Variants in AGBL3 observed in about 807,000 individuals in gnomAD.
AGBL3 encodes the protein cytosolic carboxypeptidase 3.
A neutral mutation model predicts 94.5 loss-of-function variants in AGBL3; 68 were observed. The observed-to-expected ratio is 0.72, with a 90% confidence interval of 0.59 to 0.88. The LOEUF (loss-of-function observed/expected upper bound fraction) is 0.88. Among genes scored for constraint, AGBL3 ranks in the 40% least tolerant of loss-of-function variants. The pLI, the probability that AGBL3 is intolerant of heterozygous loss-of-function variation, is 0.00. For synonymous variants in AGBL3, 354 were observed against 370.7 expected (o/e 0.95, Z 0.52); for missense variants, 934 against 1,103.8 (o/e 0.85, Z 2.18).
Position 135,087,174 on chromosome 7 carries a change from T to C in AGBL3, c.2110+5384T>C, listed in dbSNP as rs562403630. Among the ~76,000 whole-genome samples, 9 of 152,096 alleles carry C rather than the reference T, an allele frequency of 5.9e-5. No homozygotes were observed. In the East Asian group the frequency reaches 1.5e-3, roughly 26 times the overall value. Reference sequence around the variant, plus strand: ...GTCTCCAATGATCCTTGTATTTCCGTGTTATCAGTTGTAACGTCTTTTTCA... The same window carrying C: ...GTCTCCAATGATCCTTGTATTTCCGCGTTATCAGTTGTAACGTCTTTTTCA... On this transcript the variant is annotated intron_variant, in intron 15 of 16. Coordinates refer to ENST00000436302, the MANE Select transcript of AGBL3 (RefSeq NM_178563.4).
intron 4 of AGBL3, among the ~76,000 whole-genome samples, chr7:134,999,556 G>A (rs1231191504): frequency 2.0e-5 from 3 of 152,144 alleles, no homozygotes; most frequent in African/African-American, 4.8e-5. Context: ...TCCACTTACT[G>A]GGTCCAGTCA....
chr7:135,048,137 C>T (rs1319748014), intron 11 of AGBL3, among the ~76,000 whole-genome samples: 3 of 151,744 alleles, frequency 2.0e-5, no homozygotes, highest in Non-Finnish European at 4.4e-5. Context: ...ATCCTTGGCA[C>T]CCGTATTGAA....
intron 4 of AGBL3, among the ~76,000 whole-genome samples, chr7:134,995,946 T>C (rs1810959558): frequency 6.6e-6 from 1 of 152,236 alleles, no homozygotes; most frequent in Non-Finnish European, 1.5e-5. Context: ...ACATGTGTCC[T>C]TGATGGCTTT....
At position 135,065,464 on chromosome 7, in the gene AGBL3, C is replaced by T. The variant is rs541911852; in HGVS notation, c.1908+6229C>T. Among the ~76,000 whole-genome samples the T allele has an allele frequency of 1.8e-4, 28 of 152,326 alleles. 1 individual carries two copies. The South Asian group carries it at 5.0e-3, about 27-fold the overall frequency. ...CTACAATAACCAAAAGTATATGATA[C>T]TGGCATATGAACAGACACACAGCAC... On this transcript the variant is annotated intron_variant, in intron 12 of 16. Coordinates refer to ENST00000436302, the MANE Select transcript of AGBL3 (RefSeq NM_178563.4).
chr7:135,112,932 ATGC>A (rs1825844399), intron 15 of AGBL3, among the ~76,000 whole-genome samples: 2 of 152,216 alleles, frequency 1.3e-5, no homozygotes, highest in African/African-American at 4.8e-5. Flanking sequence ...ACTCGCCACC[ATGC>A]CGACTTAATT....
At chr7:135,035,880 A>G (rs1290529124) in intron 7 of AGBL3, among the ~76,000 whole-genome samples, 1 of 152,100 alleles carries the variant, frequency 6.6e-6, no homozygotes, top group East Asian at 1.9e-4. Flanking sequence ...CTTATAATCT[A>G]GTTAGTTTTC....
At chr7:135,060,747 G>T (rs1818762651) in intron 12 of AGBL3, among the ~76,000 whole-genome samples, 1 of 152,060 alleles carries the variant, frequency 6.6e-6, no homozygotes, top group Admixed American at 6.6e-5. Context: ...TTTAAAGGCT[G>T]AATAGTATTT....
intron 15 of AGBL3, among the ~76,000 whole-genome samples, chr7:135,115,163 C>A (rs1169382891): frequency 3.9e-5 from 6 of 152,156 alleles, no homozygotes; most frequent in Non-Finnish European, 8.8e-5. Context: ...CTCAAGAATT[C>A]TCTACTCCCC....
At chr7:135,124,650 A>G (rs1184482089) in intron 16 of AGBL3, among the ~76,000 whole-genome samples, 1 of 152,250 alleles carries the variant, frequency 6.6e-6, no homozygotes, top group East Asian at 1.9e-4. Flanking sequence ...AATTGGAAGT[A>G]AAACAGTCCT....
intron 3 of AGBL3, among the ~76,000 whole-genome samples, chr7:134,991,208 G>GGT (rs1554488033): frequency 1.8e-5 from 2 of 113,824 alleles, no homozygotes; most frequent in African/African-American, 6.6e-5. Flanking sequence ...GGGTGGGGGG[G>GGT]GGGTTGGTTA....
intron 7 of AGBL3, 129 bp from the exon 8 acceptor site, chr7:135,037,289 T>C: frequency 1.5e-6 from 1 of 677,352 alleles, no homozygotes; most frequent in South Asian, 3.4e-5. Context: ...TAATATGCAA[T>C]ATAGATAAGA....
At chr7:134,991,573 A>G (rs1423030394) in intron 3 of AGBL3, among the ~76,000 whole-genome samples, 1 of 152,158 alleles carries the variant, frequency 6.6e-6, no homozygotes, top group East Asian at 1.9e-4. Flanking sequence ...GCCATATCAT[A>G]TCACCTAACC....
At chr7:135,081,813 C>A (rs757712185) in intron 15 of AGBL3, 23 bp downstream of exon 15, 2 of 1,443,708 alleles carry the variant, frequency 1.4e-6, no homozygotes, top group African/African-American at 2.8e-5. Context: ...GGAACACAGA[C>A]AGTAATGAGT....
At chr7:135,116,475 A>G (rs954293081) in intron 16 of AGBL3, among the ~76,000 whole-genome samples, 5 of 152,216 alleles carry the variant, frequency 3.3e-5, no homozygotes, top group Admixed American at 6.5e-5. Flanking sequence ...GTGCAGTAGT[A>G]AAAACCCTGA....
chr7:135,130,076 G>A (rs559022810), intron 16 of AGBL3, among the ~76,000 whole-genome samples: 3 of 152,130 alleles, frequency 2.0e-5, no homozygotes, highest in East Asian at 1.9e-4. Flanking sequence ...AAGACATTCT[G>A]TTGGAGTTCC....
At position 134,995,198 on chromosome 7, in the gene AGBL3, A is replaced by G. The variant is rs565707970; in HGVS notation, c.310+1520A>G. ...ACTGCTCCTACTGTGACTTCTGCCT[A>G]ATTTCTCTCCAGTAACAGTGACGAG... On this transcript the variant is annotated intron_variant, in intron 4 of 16. Coordinates refer to ENST00000436302, the MANE Select transcript of AGBL3 (RefSeq NM_178563.4). 4 of 152,260 alleles carry G rather than the reference A, an allele frequency of 2.6e-5. No homozygotes were observed. In the East Asian group the frequency reaches 7.7e-4, roughly 29 times the overall value. 9.4% of individuals were successfully genotyped at this position (152,260 alleles called of 1,614,324 possible).
intron 12 of AGBL3, among the ~76,000 whole-genome samples, chr7:135,062,455 G>T (rs1818925791): frequency 6.6e-6 from 1 of 152,086 alleles, no homozygotes; most frequent in Non-Finnish European, 1.5e-5. Flanking sequence ...TAGAGGAAAA[G>T]CTTTCAAGTT....
intron 12 of AGBL3, among the ~76,000 whole-genome samples, chr7:135,061,873 T>C (rs1057437276): frequency 1.1e-4 from 17 of 152,132 alleles, no homozygotes; most frequent in African/African-American, 3.6e-4. Context: ...GGCTCCTTTG[T>C]GGTTCCATAT....
chr7:135,087,554 A>G (rs1054128691), intron 15 of AGBL3, among the ~76,000 whole-genome samples: 19 of 151,964 alleles, frequency 1.3e-4, no homozygotes, highest in African/African-American at 4.6e-4. Context: ...GTTTCAATAC[A>G]TTTTTTAATT....
Sources: allele counts gnomAD v4.1 joint callset (sites outside exome capture counted in the v4.1 genomes callset), GRCh38; gene constraint gnomAD v4.1.1; transcripts MANE v1.5; gene names NCBI Gene and HGNC (gene_info 2026-07-23, HGNC 2026-07-21).